ESR1: variants seen among roughly 807,000 people sequenced by gnomAD.
The protein encoded by ESR1 is estrogen receptor.
ESR1 carries 12 observed loss-of-function variants against 52.7 expected under a neutral mutation model. The ratio of observed to expected loss-of-function variants is 0.23; its 90% CI spans 0.15 to 0.37. ESR1 has a LOEUF of 0.37. ESR1 is among the 10% of genes least tolerant of loss of function. ESR1 has a pLI of 1.00. For synonymous variants in ESR1, 305 were observed against 316.8 expected (o/e 0.96, Z 0.39); for missense variants, 584 against 779.7 (o/e 0.75, Z 2.99).
intron 5 of ESR1, among the ~76,000 whole-genome samples, chr6:152,059,672 T>G (rs970008330): frequency 2.6e-5 from 4 of 152,172 alleles, no homozygotes; most frequent in African/African-American, 9.6e-5. Context: ...CTATCAAAAT[T>G]TAAAATACAT....
upstream of ESR1, among the ~76,000 whole-genome samples, chr6:151,685,520 G>T (rs908293746): frequency 6.6e-6 from 1 of 152,206 alleles, no homozygotes; most frequent in Non-Finnish European, 1.5e-5. Flanking sequence ...TAAACTACCC[G>T]AAGGGCCAGC....
intron 6 of ESR1, among the ~76,000 whole-genome samples, chr6:152,071,907 C>T (rs2048380044): frequency 6.6e-6 from 1 of 152,012 alleles, no homozygotes; most frequent in Admixed American, 6.6e-5. Flanking sequence ...AGGGTATAAA[C>T]ATTTTTAAGG....
At position 152,099,218 on chromosome 6, in the gene ESR1, T is replaced by C; in HGVS notation, c.*252T>C. On this transcript the variant is annotated 3_prime_UTR_variant, in exon 8 of 8. Transcript: ENST00000206249. ...CTCTCTTTCCCCCTTGCTATGTTAC[T>C]AAGCGTGAGGATTCCCGTAGCTCTT... The C allele has an allele frequency of 3.7e-6, 2 of 544,596 alleles. No individual in the cohort carries two copies. Among genetic ancestry groups the C allele is most frequent in the South Asian group, 4.0e-5 (2 of 50,264 alleles). 33.7% of individuals were successfully genotyped at this position (544,596 alleles called of 1,614,324 possible).
chr6:151,925,433 C>G (rs1444690865), intron 3 of ESR1, among the ~76,000 whole-genome samples: 24 of 152,044 alleles, frequency 1.6e-4, no homozygotes, highest in Admixed American at 1.4e-3. Flanking sequence ...ATGGTGAAAC[C>G]CTGTCTCTAC....
chr6:151,725,026 A>G (rs1781736622), intron 2 of ESR1, among the ~76,000 whole-genome samples: 1 of 152,146 alleles, frequency 6.6e-6, no homozygotes, highest in Non-Finnish European at 1.5e-5. Context: ...TTGACATTCT[A>G]TGTATTTTCC....
chr6:151,844,040 T>C (rs1001508035), intron 2 of ESR1, among the ~76,000 whole-genome samples: 2 of 151,946 alleles, frequency 1.3e-5, no homozygotes, highest in East Asian at 3.9e-4. Flanking sequence ...GTGAGACACA[T>C]GGACTTTTTT....
chr6:152,026,200 T>C (rs566697083), intron 5 of ESR1, among the ~76,000 whole-genome samples: 1 of 152,216 alleles, frequency 6.6e-6, no homozygotes, highest in South Asian at 2.1e-4. Context: ...AGGTAAAATA[T>C]TAGCTATGCC....
At chr6:151,922,662 A>AT (rs140494892) in intron 3 of ESR1, among the ~76,000 whole-genome samples, 2,333 of 152,048 alleles carry the variant, frequency 0.015, 24 homozygotes, top group Non-Finnish European at 0.027. Flanking sequence ...TATCTTCTGT[A>AT]TTTTTTGCCC....
At chr6:151,743,948 T>C (rs1386632712) in intron 2 of ESR1, among the ~76,000 whole-genome samples, 1 of 152,166 alleles carries the variant, frequency 6.6e-6, no homozygotes, top group Non-Finnish European at 1.5e-5. Flanking sequence ...ACTCATCTGC[T>C]TTCTGTCTCT....
At chr6:151,947,634 C>G (rs1232496188) in intron 4 of ESR1, among the ~76,000 whole-genome samples, 1 of 152,060 alleles carries the variant, frequency 6.6e-6, no homozygotes, top group Non-Finnish European at 1.5e-5. Flanking sequence ...TTTTCATTAA[C>G]CCCTGGGGCT....
At chr6:151,764,490 G>A (rs933495076) in intron 2 of ESR1, among the ~76,000 whole-genome samples, 2 of 152,146 alleles carry the variant, frequency 1.3e-5, no homozygotes, top group Non-Finnish European at 2.9e-5. Context: ...AGGACGGCCA[G>A]TGGGGGGCTG....
At chr6:151,972,446 A>G (rs1031878623) in intron 4 of ESR1, among the ~76,000 whole-genome samples, 2 of 152,224 alleles carry the variant, frequency 1.3e-5, no homozygotes, top group Non-Finnish European at 2.9e-5. Context: ...TCAGAAAGAT[A>G]ATCAACTATG....
chr6:151,800,548 A>G (rs1358438758), upstream of ESR1, among the ~76,000 whole-genome samples: 1 of 152,134 alleles, frequency 6.6e-6, no homozygotes, highest in Non-Finnish European at 1.5e-5. Flanking sequence ...CTACTCTGAT[A>G]GGACTGTGGC....
intron 2 of ESR1, among the ~76,000 whole-genome samples, chr6:151,745,464 C>G (rs1384808933): frequency 6.6e-6 from 1 of 152,170 alleles, no homozygotes; most frequent in Non-Finnish European, 1.5e-5. Context: ...GACTAGTAAT[C>G]TATTTTAGCA....
chr6:151,775,301 C>T (rs915028898), intron 2 of ESR1, among the ~76,000 whole-genome samples: 7 of 152,152 alleles, frequency 4.6e-5, no homozygotes, highest in Non-Finnish European at 8.8e-5. Context: ...TTTTCATACC[C>T]GCTCAGTATC....
chr6:151,957,749 AG>A (rs200065284), intron 4 of ESR1, among the ~76,000 whole-genome samples: 6,592 of 152,308 alleles, frequency 0.043, 376 homozygotes, highest in African/African-American at 0.13. Context: ...ATCCTATTTC[AG>A]ATGTGACTGT....
At chr6:151,871,043 G>A (rs771140704) in intron 2 of ESR1, among the ~76,000 whole-genome samples, 9 of 151,916 alleles carry the variant, frequency 5.9e-5, no homozygotes, top group Non-Finnish European at 1.3e-4. Context: ...TAGAGCTGGG[G>A]TCTTGCTATG....
chr6:151,973,327 A>G lies in ESR1; in HGVS notation c.1096+28819A>G, dbSNP rs17081942. On this transcript the variant is annotated intron_variant, in intron 4 of 7. Transcript: ENST00000206249. ...TAGTAGAAGATAGTAGAGCCATTAT[A>G]TTCTGTCTGCATTCAAGAGTGTGCT... Among the ~76,000 whole-genome samples, 183 of 128,102 alleles carry G rather than the reference A, an allele frequency of 1.4e-3. 6 individuals carry two copies. The East Asian group carries it at 0.037, about 26-fold the overall frequency. 84.0% of individuals were successfully genotyped at this position (128,102 alleles called of 152,430 possible).
rs1014722643 is a variant in ESR1 at position 152,102,895 on chromosome 6, G to A, written c.*3929G>A. 2.7e-5 allele frequency: 6 copies of A among 226,110 alleles called. No individual in the cohort carries two copies. In the South Asian group the frequency reaches 9.2e-4, roughly 34 times the overall value. 14.0% of individuals were successfully genotyped at this position (226,110 alleles called of 1,614,324 possible). A position where few individuals can be genotyped will look rare whatever the true frequency, so the allele number is the denominator to read the frequency against. On this transcript the variant is annotated 3_prime_UTR_variant, in exon 8 of 8. Coordinates refer to ENST00000206249, the MANE Select transcript of ESR1 (RefSeq NM_000125.4). ...AAACAACATATTGTCCCATGAGCAGGTGCCTGAGACACAGACCCCTTTGCA... is the reference window on the plus strand; with the variant it reads ...AAACAACATATTGTCCCATGAGCAGATGCCTGAGACACAGACCCCTTTGCA...
Sources: allele counts gnomAD v4.1 joint callset (sites outside exome capture counted in the v4.1 genomes callset), GRCh38; gene constraint gnomAD v4.1.1; transcripts MANE v1.5; gene names NCBI Gene and HGNC (gene_info 2026-07-23, HGNC 2026-07-21).